The following UMAD1 variants were observed in gnomAD, a reference collection of about 807,000 sequenced individuals.
UMAD1 encodes the protein UBAP1-MVB12-associated (UMA) domain containing 1.
Under a neutral mutation model 6.1 loss-of-function variants are expected in UMAD1, and 8 were observed. The ratio of observed to expected loss-of-function variants is 1.30; its 90% CI spans 0.76 to 2.35. UMAD1 has a LOEUF of 2.35. Ranked by LOEUF, UMAD1 falls within the 30% of genes most tolerant of loss-of-function variation. UMAD1 has a pLI of 0.00. For synonymous variants in UMAD1, 56 were observed against 31.4 expected (o/e 1.78, Z -2.61); for missense variants, 130 against 78.4 (o/e 1.66, Z -2.49).
In UMAD1 at chr7:7,769,998, G is replaced by A. The variant is rs1295445987; in HGVS notation, c.83-31672G>A. 2.0e-5 allele frequency among the ~76,000 whole-genome samples: 3 copies of A among 152,132 alleles called. No homozygotes were observed. In the East Asian group the frequency reaches 5.8e-4, roughly 29 times the overall value. On this transcript the variant is annotated intron_variant, in intron 2 of 3. Coordinates refer to ENST00000682710, the MANE Select transcript of UMAD1 (RefSeq NM_001302348.2). ...TTTCCAGCCTCAGCTCAGTGCTCAG[G>A]ATGACTTTTCTTTCCCTTTTTTATT... is the stretch of plus-strand genomic sequence containing the variant.
chr7:7,810,546 T>C (rs557301077), intron 3 of UMAD1, among the ~76,000 whole-genome samples: 3 of 152,264 alleles, frequency 2.0e-5, no homozygotes, highest in Admixed American at 2.0e-4. Context: ...GTATATACAG[T>C]ATGATTGCTG....
At chr7:7,746,913 T>G (rs895975153) in intron 2 of UMAD1, among the ~76,000 whole-genome samples, 1 of 152,072 alleles carries the variant, frequency 6.6e-6, no homozygotes, top group African/African-American at 2.4e-5. Flanking sequence ...ATTTAAGAGA[T>G]TTTAAAAAAA....
chr7:7,802,827 C>T (rs1782829035), intron 3 of UMAD1, among the ~76,000 whole-genome samples: 1 of 152,090 alleles, frequency 6.6e-6, no homozygotes, highest in East Asian at 1.9e-4. Flanking sequence ...TAAGTCAGTA[C>T]AATCATGAGT....
At chr7:7,856,921 C>T (rs529547920) in intron 3 of UMAD1, among the ~76,000 whole-genome samples, 18 of 148,330 alleles carry the variant, frequency 1.2e-4, no homozygotes, top group Non-Finnish European at 2.4e-4. Flanking sequence ...TTTTATGTTT[C>T]CTTCTCACTG....
At chr7:7,724,932 G>A (rs1290628800) in intron 2 of UMAD1, among the ~76,000 whole-genome samples, 2 of 152,134 alleles carry the variant, frequency 1.3e-5, no homozygotes, top group Non-Finnish European at 2.9e-5. Context: ...TCACTTCCAC[G>A]AGATACCACA....
At chr7:7,776,269 T>C (rs1219234660) in intron 2 of UMAD1, among the ~76,000 whole-genome samples, 1 of 152,168 alleles carries the variant, frequency 6.6e-6, no homozygotes, top group African/African-American at 2.4e-5. Context: ...GAAAGCAGCT[T>C]GGGCAACATG....
At chr7:7,758,069 C>A (rs28723457) in intron 2 of UMAD1, among the ~76,000 whole-genome samples, 72,435 of 151,716 alleles carry the variant, frequency 0.48, 18,634 homozygotes, top group African/African-American at 0.66. Flanking sequence ...ATTATTTTTA[C>A]ATTATTATTA....
At chr7:7,652,638 T>C (rs1468222259) in intron 1 of UMAD1, among the ~76,000 whole-genome samples, 1 of 152,190 alleles carries the variant, frequency 6.6e-6, no homozygotes, top group Non-Finnish European at 1.5e-5. Flanking sequence ...GTTAATTCCG[T>C]GAATTTGGAG....
chr7:7,810,514 T>C (rs1783001343), intron 3 of UMAD1, among the ~76,000 whole-genome samples: 1 of 152,116 alleles, frequency 6.6e-6, no homozygotes, highest in Non-Finnish European at 1.5e-5. Flanking sequence ...TAATTTTAGT[T>C]AAAAATGCAA....
chr7:7,841,131 A>G (rs1282642421), intron 3 of UMAD1, among the ~76,000 whole-genome samples: 2 of 152,154 alleles, frequency 1.3e-5, no homozygotes, highest in African/African-American at 4.8e-5. Flanking sequence ...TACATTCCCA[A>G]ATTACTTCGT....
intron 2 of UMAD1, among the ~76,000 whole-genome samples, chr7:7,792,565 A>G (rs1282784865): frequency 6.6e-6 from 1 of 152,182 alleles, no homozygotes; most frequent in Non-Finnish European, 1.5e-5. Context: ...ATAATTTGTC[A>G]TTTTCAACAG....
intron 2 of UMAD1, among the ~76,000 whole-genome samples, chr7:7,790,646 C>G (rs1446629033): frequency 2.0e-5 from 3 of 152,218 alleles, no homozygotes; most frequent in Non-Finnish European, 4.4e-5. Context: ...GGGACCAAAT[C>G]TCTTTCCTGA....
intron 3 of UMAD1, among the ~76,000 whole-genome samples, chr7:7,843,453 T>C (rs549859089): frequency 7.1e-4 from 108 of 152,336 alleles, no homozygotes; most frequent in Non-Finnish European, 1.4e-3. Flanking sequence ...TAGAGAGCTT[T>C]GTGTACCTCC....
chr7:7,753,721 C>T (rs966803539), intron 2 of UMAD1, among the ~76,000 whole-genome samples: 11 of 152,124 alleles, frequency 7.2e-5, no homozygotes, highest in Non-Finnish European at 1.3e-4. Context: ...TTGTGAACAG[C>T]GCTGTAACAA....
chr7:7,748,780 TA>T (rs1460477416), intron 2 of UMAD1, among the ~76,000 whole-genome samples: 1 of 151,866 alleles, frequency 6.6e-6, no homozygotes, highest in African/African-American at 2.4e-5. Flanking sequence ...TATAAAAATT[TA>T]AAAAATTCTT....
At chr7:7,668,111 G>C (rs1189318686) in intron 1 of UMAD1, among the ~76,000 whole-genome samples, 1 of 151,560 alleles carries the variant, frequency 6.6e-6, no homozygotes, top group African/African-American at 2.4e-5. Flanking sequence ...ACACGATTTC[G>C]TCATGTTGCC....
intron 2 of UMAD1, among the ~76,000 whole-genome samples, chr7:7,711,004 A>G (rs1349172815): frequency 6.6e-6 from 1 of 152,210 alleles, no homozygotes; most frequent in Non-Finnish European, 1.5e-5. Flanking sequence ...TACACAAAAA[A>G]TAGAGAAATC....
chr7:7,860,341 G>T (rs987816202), intron 3 of UMAD1, among the ~76,000 whole-genome samples: 1 of 152,060 alleles, frequency 6.6e-6, no homozygotes, highest in Non-Finnish European at 1.5e-5. Flanking sequence ...ACCATGGTTT[G>T]TGTTTCTCTC....
chr7:7,846,796 C>G (rs1257965761), intron 3 of UMAD1, among the ~76,000 whole-genome samples: 11 of 149,334 alleles, frequency 7.4e-5, no homozygotes, highest in African/African-American at 2.7e-4. Context: ...ACTTTTCATT[C>G]TATTTTAAAA....
Sources: allele counts gnomAD v4.1 joint callset (sites outside exome capture counted in the v4.1 genomes callset), GRCh38; gene constraint gnomAD v4.1.1; transcripts MANE v1.5; gene names NCBI Gene and HGNC (gene_info 2026-07-23, HGNC 2026-07-21).